The following C10orf67 variants were observed in gnomAD, a reference collection of about 807,000 sequenced individuals.
The protein encoded by C10orf67 is chromosome 10 open reading frame 67.
C10orf67 carries 60 observed loss-of-function variants against 35.6 expected under a neutral mutation model. The observed-to-expected ratio is 1.68, with a 90% CI of 1.37 to 2.09. The LOEUF (loss-of-function observed/expected upper bound fraction) is 2.09, where lower values mean the gene tolerates loss of function less well. Among genes scored for constraint, C10orf67 ranks in the 30% most tolerant of loss-of-function variants. The pLI is 0.00. For synonymous variants in C10orf67, 167 were observed against 115.8 expected, an observed-to-expected ratio of 1.44 and a Z score of -2.84; for missense variants, 474 against 330.2, an observed-to-expected ratio of 1.44 and a Z score of -3.38.
rs901817754 is a variant in C10orf67, at chr10:23,306,000, T to TAC, written c.547-2543_547-2542dup. Among the ~76,000 whole-genome samples the TAC allele has an allele frequency of 1.4e-3, 219 of 151,302 alleles. 2 individuals carry two copies. The highest frequency in any genetic ancestry group is 1.2e-3 in the Non-Finnish European group (84 of 67,762). On this transcript the variant is annotated intron_variant, in intron 4 of 15. Transcript: ENST00000636213. ...ACACACACACACTCTCTCTCTCACA[T>TAC]ACACACACACACAATGGAATATTTA...
At chr10:23,204,479 A>G (rs1841106189) in intron 15 of C10orf67, among the ~76,000 whole-genome samples, 1 of 152,150 alleles carries the variant, frequency 6.6e-6, no homozygotes, top group Non-Finnish European at 1.5e-5. Flanking sequence ...GTGCCAGCCA[A>G]GCTTTGCTCT....
chr10:23,213,513 G>C (rs1841363398), intron 15 of C10orf67, among the ~76,000 whole-genome samples: 1 of 152,128 alleles, frequency 6.6e-6, no homozygotes. Flanking sequence ...AGAAAATGTG[G>C]AGGAAAGAAT....
intron 5 of C10orf67, among the ~76,000 whole-genome samples, chr10:23,297,821 T>A (rs1843939373): frequency 6.6e-6 from 1 of 152,224 alleles, no homozygotes; most frequent in South Asian, 2.1e-4. Flanking sequence ...AAGTAAACAG[T>A]TGTCTGACAG....
chr10:23,322,240 C>A (rs1442600473), intron 3 of C10orf67, among the ~76,000 whole-genome samples, 154 bp downstream of exon 3: 2 of 140,564 alleles, frequency 1.4e-5, no homozygotes, highest in Non-Finnish European at 3.0e-5. Context: ...AAGTCCCTGA[C>A]ACATAGTGAA....
intron 1 of C10orf67, among the ~76,000 whole-genome samples, chr10:23,342,565 T>G (rs1476033557): frequency 6.6e-6 from 1 of 152,126 alleles, no homozygotes; most frequent in Non-Finnish European, 1.5e-5. Flanking sequence ...GCCTGGCAAG[T>G]GCATTTTTTT....
chr10:23,239,516 A>C (rs2132137064), intron 13 of C10orf67, among the ~76,000 whole-genome samples: 1 of 152,346 alleles, frequency 6.6e-6, no homozygotes, highest in Middle Eastern at 3.4e-3. Flanking sequence ...ATTGCGCTGT[A>C]GCAATTTGTT....
chr10:23,301,169 G>A (rs1844059921), intron 5 of C10orf67, among the ~76,000 whole-genome samples: 1 of 152,212 alleles, frequency 6.6e-6, no homozygotes, highest in African/African-American at 2.4e-5. Context: ...GTGCACGCAT[G>A]GGCGACTGTT....
chr10:23,239,289 A>G (rs1842119985), intron 13 of C10orf67, among the ~76,000 whole-genome samples: 2 of 152,196 alleles, frequency 1.3e-5, no homozygotes, highest in Non-Finnish European at 1.5e-5. Context: ...TATCTATTAC[A>G]CGAATTCTAA....
chr10:23,214,701 AC>A (rs1373230198), intron 15 of C10orf67, among the ~76,000 whole-genome samples: 1 of 152,186 alleles, frequency 6.6e-6, no homozygotes, highest in Non-Finnish European at 1.5e-5. Context: ...AGGATTAAGA[AC>A]AAACAAACGG....
intron 15 of C10orf67, among the ~76,000 whole-genome samples, chr10:23,212,958 T>A (rs1484615509): frequency 6.6e-6 from 1 of 152,170 alleles, no homozygotes; most frequent in African/African-American, 2.4e-5. Context: ...ACAAAGATTT[T>A]AAAACTTATG....
At chr10:23,344,299 G>T in intron 1 of C10orf67, 2 of 504,358 alleles carry the variant, frequency 4.0e-6, no homozygotes, top group Non-Finnish European at 7.1e-6. Context: ...GGGGAAGGGG[G>T]AAGAGATGGA....
chr10:23,325,475 TAA>T (rs34980652), intron 2 of C10orf67, among the ~76,000 whole-genome samples: 201 of 106,000 alleles, frequency 1.9e-3, no homozygotes, highest in African/African-American at 3.6e-3. Context: ...TTTGGGCTGC[TAA>T]AAAAAAAAAA....
intron 15 of C10orf67, 84 bp downstream of exon 15, chr10:23,223,514 C>A (rs1841646219): frequency 2.8e-6 from 2 of 705,298 alleles, no homozygotes; most frequent in African/African-American, 3.5e-5. Context: ...CCAAATACCT[C>A]AGGGTAAAAA....
At chr10:23,270,868 C>T (rs1226661243) in intron 8 of C10orf67, among the ~76,000 whole-genome samples, 1 of 152,228 alleles carries the variant, frequency 6.6e-6, no homozygotes, top group Non-Finnish European at 1.5e-5. Flanking sequence ...CAGCTCTCCT[C>T]ACTGGGTGGG....
At chr10:23,210,190 G>GAGCA (rs1265107068) in intron 15 of C10orf67, among the ~76,000 whole-genome samples, 2 of 152,022 alleles carry the variant, frequency 1.3e-5, no homozygotes, top group Non-Finnish European at 2.9e-5. Flanking sequence ...CAGAGAAGGA[G>GAGCA]AGCAAGCAGG....
At chr10:23,316,721 G>T (rs1179405806) in intron 4 of C10orf67, 1 of 152,622 alleles carries the variant, frequency 6.6e-6, no homozygotes. Context: ...ACAGTGGGTA[G>T]CTCCTTTCTG....
At chr10:23,320,640 CT>C (rs1468326088) in intron 4 of C10orf67, 100 bp downstream of exon 4, 10 of 864,050 alleles carry the variant, frequency 1.2e-5, no homozygotes, top group Non-Finnish European at 1.1e-5. Flanking sequence ...GCCTTCAGAG[CT>C]GGAAACACAG....
chr10:23,330,739 CA>C lies in C10orf67; in HGVS notation c.327+2322del, dbSNP rs10681378. Among the ~76,000 whole-genome samples the C allele has an allele frequency of 9.0e-4, 122 of 135,782 alleles. 1 individual carries two copies. Among genetic ancestry groups the C allele is most frequent in the East Asian group, 7.5e-3 (35 of 4,640 alleles). The allele number at this position is 135,782 out of a possible 152,430, so 89.1% of individuals were successfully genotyped here. A position where few individuals can be genotyped will look rare whatever the true frequency, so the allele number is the denominator to read the frequency against. On this transcript the variant is annotated intron_variant, in intron 2 of 15. Coordinates refer to ENST00000636213, the MANE Select transcript of C10orf67 (RefSeq NM_001371909.1). ...TGGGCGACAGAGCAAGACTCTGTCT[CA>C]AAAAAAAAAAAAATCAAAATAACAG...
rs937312531 is a variant in C10orf67 at position 23,291,240 on chromosome 10, G to C, written c.742C>G (p.Leu248Val). 1.4e-6 allele frequency: 1 copy of C among 716,512 alleles called. No homozygotes were observed. The highest frequency in any genetic ancestry group is 1.7e-5 in the African/African-American group (1 of 57,222). The allele number at this position is 716,512 out of a possible 1,614,324, so 44.4% of individuals were successfully genotyped here. Residue 248 changes from leucine to valine, a missense_variant, in exon 6 of 16, where the codon CTA becomes GTA. Coordinates refer to ENST00000636213, the MANE Select transcript of C10orf67 (RefSeq NM_001371909.1). The stretch of plus-strand genomic sequence containing the variant: ...TTGTACTCCAAATTTTCCTTTTCTA[G>C]GTTTGATTTTGGAGAGCTGGTTTCT... ...AKETSSPKSN[L>V]EKENLEYKVE...
Sources: gnomAD v4.1 joint callset for allele counts (sites outside exome capture counted in the v4.1 genomes callset) on GRCh38, gnomAD v4.1.1 for gene constraint, MANE v1.5 for transcripts, NCBI Gene and HGNC (gene_info 2026-07-23, HGNC 2026-07-21) for gene names.